The following LARGE1 variants were observed in gnomAD, a reference collection of about 807,000 sequenced individuals.
The protein encoded by LARGE1 is LARGE xylosyl- and glucuronyltransferase 1.
Under a neutral mutation model 87.6 loss-of-function variants are expected in LARGE1, and 43 were observed. That is an observed-to-expected ratio of 0.49 (90% CI 0.38 to 0.63). LARGE1 has a LOEUF of 0.63. Among genes scored for constraint, LARGE1 ranks in the 30% least tolerant of loss-of-function variants. The probability of loss-of-function intolerance (pLI) is 0.00; values close to 1 mark genes in which losing one functional copy is unlikely to be tolerated. For missense variants in LARGE1, 802 were observed against 1,000.2 expected, an observed-to-expected ratio of 0.80 and a Z score of 2.67; for synonymous variants, 434 against 394.6, an observed-to-expected ratio of 1.10 and a Z score of -1.18.
upstream of LARGE1, among the ~76,000 whole-genome samples, chr22:33,921,320 C>T (rs1843922553): frequency 6.6e-6 from 1 of 152,228 alleles, no homozygotes; most frequent in Non-Finnish European, 1.5e-5. This position sits in a 1 kb window ranked among gnomAD's most constrained non-coding sequence, Gnocchi z 4.1. Flanking sequence ...GCCCTTCTTC[C>T]CCCAACCCCG....
intron 12 of LARGE1, among the ~76,000 whole-genome samples, chr22:33,294,443 A>G (rs1270351923): frequency 6.6e-6 from 1 of 152,166 alleles, no homozygotes; most frequent in Admixed American, 6.5e-5. Context: ...CTCCTATGAA[A>G]GTTATATTAA....
chr22:33,374,522 T>G (rs1368110014), intron 9 of LARGE1, among the ~76,000 whole-genome samples: 2 of 152,220 alleles, frequency 1.3e-5, no homozygotes, highest in South Asian at 4.1e-4. Context: ...TCTTATCAAG[T>G]GCTTTCAACC....
chr22:33,305,474 G>T, intron 11 of LARGE1: 1 of 452,114 alleles, frequency 2.2e-6, no homozygotes, highest in Non-Finnish European at 2.9e-6. Context: ...GAAGCGTCTG[G>T]TACATAAAAT....
intron 6 of LARGE1, among the ~76,000 whole-genome samples, chr22:33,468,412 G>C (rs1182646838): frequency 2.0e-5 from 3 of 152,036 alleles, no homozygotes; most frequent in Non-Finnish European, 4.4e-5. Context: ...GGTCAGCCTG[G>C]GCAACACAGC....
intron 5 of LARGE1, among the ~76,000 whole-genome samples, chr22:33,580,558 G>C (rs1181539076): frequency 1.3e-5 from 2 of 152,158 alleles, no homozygotes; most frequent in African/African-American, 4.8e-5. Flanking sequence ...CAGTGAGTGA[G>C]CTCGAGACGC....
chr22:33,781,970 G>A (rs1021158066), intron 1 of LARGE1, among the ~76,000 whole-genome samples: 1 of 151,994 alleles, frequency 6.6e-6, no homozygotes, highest in East Asian at 1.9e-4. Flanking sequence ...CACACACACA[G>A]ACTCAAGATC....
chr22:33,731,205 A>G lies in LARGE1; in HGVS notation c.106+30166T>C, dbSNP rs1395633862. On this transcript the variant is annotated intron_variant, in intron 2 of 14. Transcript: ENST00000397394. ...TTTTCAGTAGAGACGGGGTTTCACC[A>G]TGTTAGCCACGATGGTCTCGATCTC... 4.6e-5 allele frequency among the ~76,000 whole-genome samples: 7 copies of G among 151,362 alleles called. No homozygotes were observed. In the East Asian group the frequency reaches 5.9e-4, roughly 13 times the overall value.
At chr22:33,895,762 A>G (rs2213360) in intron 1 of LARGE1, among the ~76,000 whole-genome samples, 74,004 of 151,998 alleles carry the variant, frequency 0.49, 18,422 homozygotes, top group East Asian at 0.83. Flanking sequence ...ATGTAATCAC[A>G]GAAGTGACAT....
chr22:33,742,597 T>C (rs1349347354), intron 2 of LARGE1, among the ~76,000 whole-genome samples: 3 of 152,244 alleles, frequency 2.0e-5, no homozygotes, highest in African/African-American at 4.8e-5. Context: ...AGGGCCCAGG[T>C]CTTCTGGTGC....
intron 11 of LARGE1, among the ~76,000 whole-genome samples, chr22:33,205,899 C>G (rs1241483604): frequency 6.6e-6 from 1 of 151,254 alleles, no homozygotes. Context: ...CTGCCTCAGC[C>G]TCCTGAGCAG....
At chr22:33,761,082 G>C (rs576343297) in intron 2 of LARGE1, among the ~76,000 whole-genome samples, 2 of 152,110 alleles carry the variant, frequency 1.3e-5, no homozygotes, top group African/African-American at 4.8e-5. Context: ...AATTTCTCCA[G>C]GGCCCAACCT....
At chr22:33,332,387 C>T (rs1403650084) in intron 10 of LARGE1, among the ~76,000 whole-genome samples, 2 of 152,282 alleles carry the variant, frequency 1.3e-5, no homozygotes, top group Middle Eastern at 3.4e-3. Flanking sequence ...GTGAGGCCTC[C>T]CCAGCCATGT....
intron 1 of LARGE1, among the ~76,000 whole-genome samples, chr22:33,837,017 T>C (rs12483818): frequency 6.6e-6 from 1 of 151,864 alleles, no homozygotes; most frequent in Non-Finnish European, 1.5e-5. Flanking sequence ...TATAGAAGAA[T>C]GTGGCTAGAA....
At chr22:33,315,035 CT>C (rs1413343121) in intron 11 of LARGE1, among the ~76,000 whole-genome samples, 2 of 152,132 alleles carry the variant, frequency 1.3e-5, no homozygotes, top group Admixed American at 6.5e-5. Context: ...CGATGAAACT[CT>C]GTCTCTACTA....
At chr22:33,117,478 A>C in the LARGE1 span, among the ~76,000 whole-genome samples, 1 of 151,440 alleles carries the variant, frequency 6.6e-6, no homozygotes, top group Non-Finnish European at 1.5e-5. Flanking sequence ...AGGGGAGCTT[A>C]ATCTCTTTGA....
chr22:33,480,930 T>C (rs1166420353), intron 6 of LARGE1, among the ~76,000 whole-genome samples: 2 of 152,190 alleles, frequency 1.3e-5, no homozygotes, highest in African/African-American at 4.8e-5. Context: ...TGTTATTCAA[T>C]TGTATGGATA....
chr22:33,477,999 C>T lies in LARGE1; in HGVS notation c.788-45734G>A, dbSNP rs57825717. Among the ~76,000 whole-genome samples the T allele has an allele frequency of 3.9e-3, 587 of 152,312 alleles. 7 individuals carry two copies. The highest frequency in any genetic ancestry group is 0.014 in the African/African-American group (566 of 41,572). Reference sequence around the variant, plus strand: ...TGGAAGCCCTCCTCTAACTCAATGGCTCTTTCCTCTACCTCTTCAGGGTTA... The same window carrying T: ...TGGAAGCCCTCCTCTAACTCAATGGTTCTTTCCTCTACCTCTTCAGGGTTA... On this transcript the variant is annotated intron_variant, in intron 6 of 14. Transcript: ENST00000397394.
At chr22:33,196,606 G>A (rs1053336123) in intron 11 of LARGE1, among the ~76,000 whole-genome samples, 23 of 148,640 alleles carry the variant, frequency 1.5e-4, no homozygotes, top group Admixed American at 4.0e-4. Flanking sequence ...AAAATTTTTC[G>A]CAAAATAGGG....
intron 1 of LARGE1, among the ~76,000 whole-genome samples, chr22:33,802,972 GTGGGTAGACAGACAAT>G (rs1263009183): frequency 6.6e-6 from 1 of 152,212 alleles, no homozygotes; most frequent in Non-Finnish European, 1.5e-5. Context: ...GGGTGGGTGA[GTGGGTAGACAGACAAT>G]TGGATGGACA....
Sources: gnomAD v4.1 joint callset for allele counts (sites outside exome capture counted in the v4.1 genomes callset) on GRCh38, gnomAD v4.1.1 for gene constraint, Gnocchi (gnomAD v3.1) non-coding constraint, MANE v1.5 for transcripts, NCBI Gene and HGNC (gene_info 2026-07-23, HGNC 2026-07-21) for gene names.